RAD18: variants seen among roughly 807,000 people sequenced by gnomAD.
RAD18 encodes RAD18 E3 ubiquitin protein ligase.
Under a neutral mutation model 60.4 loss-of-function variants are expected in RAD18, and 47 were observed. That is an observed-to-expected ratio of 0.78 (90% confidence interval 0.62 to 0.99). The LOEUF (loss-of-function observed/expected upper bound fraction) is 0.99, where lower values mean the gene tolerates loss of function less well. Ranked by LOEUF, RAD18 falls within the 50% of genes least tolerant of loss-of-function variation. The probability of loss-of-function intolerance (pLI) is 0.00; values close to 1 mark genes in which losing one functional copy is unlikely to be tolerated. For missense variants in RAD18, 640 were observed against 593.3 expected (o/e 1.08, Z -0.82); for synonymous variants, 225 against 195.5 (o/e 1.15, Z -1.26).
intron 6 of RAD18, among the ~76,000 whole-genome samples, chr3:8,938,476 T>C (rs753980028): frequency 3.9e-5 from 6 of 152,214 alleles, no homozygotes; most frequent in African/African-American, 7.2e-5. Flanking sequence ...AGACTGAACA[T>C]AGAAGCAAAT....
rs143494139 is a variant in RAD18, at chr3:8,883,186, A to G, written c.1386-1727T>C. On this transcript the variant is annotated intron_variant, in intron 12 of 12. Transcript: ENST00000264926. ...ACATGTGTATAACTGTAATACCTGGAAGAAAGGAGAGAAAGAACTATGGAT... is the reference window on the plus strand; with the variant it reads ...ACATGTGTATAACTGTAATACCTGGGAGAAAGGAGAGAAAGAACTATGGAT... 7.0e-3 allele frequency among the ~76,000 whole-genome samples: 1,073 copies of G among 152,314 alleles called. 8 individuals are homozygous for G. Among genetic ancestry groups the G allele is most frequent in the African/African-American group, 0.024 (1,018 of 41,566 alleles).
intron 7 of RAD18, among the ~76,000 whole-genome samples, chr3:8,933,400 A>G (rs1559787597): frequency 6.6e-6 from 1 of 152,234 alleles, no homozygotes; most frequent in Admixed American, 6.5e-5. Context: ...CAATGGCTAA[A>G]TGACAATATA....
intron 12 of RAD18, among the ~76,000 whole-genome samples, chr3:8,885,046 A>T (rs543700775): frequency 8.5e-5 from 13 of 152,360 alleles, no homozygotes; most frequent in Non-Finnish European, 1.3e-4. Context: ...TAAAGTGTTG[A>T]ATCTACTGAA....
chr3:8,920,555 A>C (rs1416882375), intron 7 of RAD18, among the ~76,000 whole-genome samples: 1 of 152,234 alleles, frequency 6.6e-6, no homozygotes, highest in Non-Finnish European at 1.5e-5. Context: ...GCGGATGTAA[A>C]GTATAAACCA....
chr3:8,947,390 C>T lies in RAD18; in HGVS notation c.196-100G>A. 4.4e-6 allele frequency: 4 copies of T among 910,618 alleles called. No individual in the cohort carries two copies. The South Asian group carries it at 6.0e-5, about 14-fold the overall frequency. 56.4% of individuals were successfully genotyped at this position (910,618 alleles called of 1,614,324 possible). A position where few individuals can be genotyped will look rare whatever the true frequency, so the allele number is the denominator to read the frequency against. On this transcript the variant is annotated intron_variant, in intron 3 of 12. Transcript: ENST00000264926. ...GTCTGACCCATCCTCCTGAGGTTCT[C>T]CATCCCACTAAGTCTTCTAAGGCAG...
At chr3:8,916,815 G>GA (rs1399641149) in intron 7 of RAD18, among the ~76,000 whole-genome samples, 2 of 150,898 alleles carry the variant, frequency 1.3e-5, no homozygotes, top group African/African-American at 2.4e-5. Context: ...AAAGGAAAAA[G>GA]AAAAAAAATT....
intron 11 of RAD18, among the ~76,000 whole-genome samples, chr3:8,891,356 C>G (rs1298801748): frequency 1.3e-5 from 2 of 152,010 alleles, no homozygotes; most frequent in Non-Finnish European, 2.9e-5. Flanking sequence ...GGTTACAAAG[C>G]ATCTCTACTA....
intron 4 of RAD18, 28 bp from the exon 5 acceptor site, chr3:8,941,832 A>G: frequency 6.5e-7 from 1 of 1,535,664 alleles, no homozygotes; most frequent in Non-Finnish European, 8.9e-7. Context: ...ACAACAGACA[A>G]TTAAGAGATC....
chr3:8,944,906 G>A (rs976853022), intron 4 of RAD18, among the ~76,000 whole-genome samples: 1 of 152,140 alleles, frequency 6.6e-6, no homozygotes, highest in Admixed American at 6.5e-5. Context: ...ACAATAAACT[G>A]TAGTCGGCCC....
At chr3:8,943,009 C>T (rs1336304969) in intron 4 of RAD18, among the ~76,000 whole-genome samples, 1 of 152,146 alleles carries the variant, frequency 6.6e-6, no homozygotes, top group Non-Finnish European at 1.5e-5. Flanking sequence ...GAAAAATGGA[C>T]CACACTGAAG....
At chr3:8,956,172 CTTT>C (rs1559802544) in intron 2 of RAD18, among the ~76,000 whole-genome samples, 8 of 152,282 alleles carry the variant, frequency 5.3e-5, no homozygotes, top group African/African-American at 1.9e-4. Context: ...GAACTTTCAC[CTTT>C]TCACTTAAAG....
At chr3:8,957,541 C>T (rs1222619085) in intron 2 of RAD18, among the ~76,000 whole-genome samples, 2 of 152,112 alleles carry the variant, frequency 1.3e-5, no homozygotes, top group African/African-American at 4.8e-5. Flanking sequence ...AGGGGTTATC[C>T]TATCATTGTT....
At chr3:8,928,833 GACCTAAC>G (rs151115041) in intron 7 of RAD18, among the ~76,000 whole-genome samples, 5,489 of 152,200 alleles carry the variant, frequency 0.036, 335 homozygotes, top group African/African-American at 0.12. Context: ...TCACCAGGAA[GACCTAAC>G]ACCTAAGTTA....
intron 9 of RAD18, 121 bp downstream of exon 9, chr3:8,912,189 CTT>C (rs1470480649): frequency 1.7e-5 from 13 of 773,438 alleles, no homozygotes; most frequent in Non-Finnish European, 2.6e-5. Flanking sequence ...AATTCAATCT[CTT>C]AAGTAATGTT....
At chr3:8,935,490 C>T (rs1434593248) in intron 7 of RAD18, among the ~76,000 whole-genome samples, 1 of 152,012 alleles carries the variant, frequency 6.6e-6, no homozygotes, top group Admixed American at 6.6e-5. Context: ...TTATTATAAC[C>T]CTTATTTTAT....
chr3:8,918,594 T>C (rs1940252556), intron 7 of RAD18, among the ~76,000 whole-genome samples: 2 of 151,504 alleles, frequency 1.3e-5, no homozygotes, highest in Non-Finnish European at 2.9e-5. Context: ...ACACTGTGTG[T>C]CACCCTGGGG....
At chr3:8,913,290 A>C (rs1940134609) in intron 8 of RAD18, among the ~76,000 whole-genome samples, 1 of 152,206 alleles carries the variant, frequency 6.6e-6, no homozygotes, top group African/African-American at 2.4e-5. Context: ...AGAATGCCAG[A>C]GCTAAAAAGG....
At chr3:8,936,127 A>C (rs1039033909) in intron 6 of RAD18, 72 bp from the exon 7 acceptor site, 14 of 1,346,336 alleles carry the variant, frequency 1.0e-5, no homozygotes, top group African/African-American at 1.5e-5. Context: ...TGGCAAATAA[A>C]TTCTGATTCA....
intron 1 of RAD18, 150 bp downstream of exon 1, chr3:8,963,185 G>T: frequency 1.2e-6 from 1 of 805,652 alleles, no homozygotes; most frequent in Non-Finnish European, 1.9e-6. Context: ...GAGCCACGCG[G>T]TCGGCTAGTG....
Sources: gnomAD v4.1 joint callset for allele counts (sites outside exome capture counted in the v4.1 genomes callset) on GRCh38, gnomAD v4.1.1 for gene constraint, MANE v1.5 for transcripts, NCBI Gene and HGNC (gene_info 2026-07-23, HGNC 2026-07-21) for gene names.